The following MCUR1 variants were observed in gnomAD, a reference collection of about 807,000 sequenced individuals.
The protein encoded by MCUR1 is mitochondrial calcium uniporter regulator 1, also known as MCU regulator 1.
In MCUR1, 37 loss-of-function variants were observed where a neutral mutation model predicts 42.0. That is an observed-to-expected ratio of 0.88 (90% confidence interval 0.68 to 1.16). The LOEUF is 1.16. MCUR1 is among the 50% of genes most tolerant of loss of function. The pLI is 0.00. For missense variants in MCUR1, 469 were observed against 468.4 expected, an observed-to-expected ratio of 1.00 and a Z score of -0.01; for synonymous variants, 229 against 196.2, an observed-to-expected ratio of 1.17 and a Z score of -1.40.
intron 3 of MCUR1, among the ~76,000 whole-genome samples, chr6:13,801,686 C>T (rs1332746068): frequency 1.3e-5 from 2 of 152,120 alleles, no homozygotes; most frequent in Non-Finnish European, 2.9e-5. Context: ...CCCATCTCTA[C>T]CAAAAGTACA....
rs150691156 is a variant in MCUR1, at chr6:13,813,104, G to C, written c.415+911C>G. 8.8e-3 allele frequency among the ~76,000 whole-genome samples: 1,336 copies of C among 152,284 alleles called. 18 individuals carry two copies. Among genetic ancestry groups the C allele is most frequent in the South Asian group, 0.031 (148 of 4,824 alleles). On this transcript the variant is annotated intron_variant, in intron 1 of 8. Coordinates refer to ENST00000379170, the MANE Select transcript of MCUR1 (RefSeq NM_001031713.4). The stretch of plus-strand genomic sequence containing the variant: ...ATTCAGTACGGTAACATGCTGTTCA[G>C]GTTTGTAGCCTAGGAGCACTAGCCT...
At chr6:13,804,330 A>AC (rs1760065009) in intron 2 of MCUR1, 1 of 156,202 alleles carries the variant, frequency 6.4e-6, no homozygotes. Flanking sequence ...CTCAAAAAAA[A>AC]AAAAAAAAAA....
intron 5 of MCUR1, among the ~76,000 whole-genome samples, chr6:13,799,235 G>C (rs1759932281): frequency 6.6e-6 from 1 of 151,638 alleles, no homozygotes; most frequent in South Asian, 2.1e-4. Flanking sequence ...AACCAGGCTG[G>C]AGTGCAATGG....
Position 13,798,882 on chromosome 6 carries a change from G to T in MCUR1, c.806C>A (p.Thr269Lys). Residue 269 changes from threonine (T) to lysine (K), a missense_variant, in exon 6 of 9, where the codon ACA (threonine) becomes AAA (lysine). By Grantham distance (78) the Thr-to-Lys change is moderately conservative. Coordinates refer to ENST00000379170, the MANE Select transcript of MCUR1 (RefSeq NM_001031713.4). ...TAGGTTGAAGTCTAATTTGGTATCTGTTCGGACTTTGATCACTTCATCCTA... is the reference window on the plus strand; with the variant it reads ...TAGGTTGAAGTCTAATTTGGTATCTTTTCGGACTTTGATCACTTCATCCTA... ...QVMDEVIKVRTDTKLDFNLEK... is the reference protein window; with the variant it reads ...QVMDEVIKVRKDTKLDFNLEK... The T allele has an allele frequency of 6.2e-7, 1 of 1,609,688 alleles. No individual in the cohort carries two copies. The highest frequency in any genetic ancestry group is 2.2e-5 in the East Asian group (1 of 44,850).
chr6:13,796,489 T>C (rs1170743574), intron 6 of MCUR1, among the ~76,000 whole-genome samples: 3 of 152,174 alleles, frequency 2.0e-5, no homozygotes, highest in Admixed American at 6.5e-5. Flanking sequence ...TTTCACCACG[T>C]TGGCCAGGCT....
rs926831328 is a variant in MCUR1, at chr6:13,787,973, C to G, written c.*2836G>C. On this transcript the variant is annotated 3_prime_UTR_variant, in exon 9 of 9. Transcript: ENST00000379170. ...TCTCTGCTCACTGCAACCTCTGCCT[C>G]CCAGGTTCATGCAATTTTCCTGTCT... The G allele has an allele frequency of 1.3e-5, 2 of 152,332 alleles. No homozygotes were observed. Among genetic ancestry groups the G allele is most frequent in the Admixed American group, 6.5e-5 (1 of 15,290 alleles). The allele number at this position is 152,332 out of a possible 1,614,324, so 9.4% of individuals were successfully genotyped here.
intron 2 of MCUR1, 28 bp from the exon 3 acceptor site, chr6:13,802,374 C>G (rs1344848524): frequency 3.2e-6 from 5 of 1,582,154 alleles, no homozygotes; most frequent in Non-Finnish European, 4.3e-6. Context: ...CAAAAAAAAT[C>G]ATGCTCAGAG....
At chr6:13,811,985 CCT>C (rs1195641997) in intron 1 of MCUR1, among the ~76,000 whole-genome samples, 1 of 152,070 alleles carries the variant, frequency 6.6e-6, no homozygotes, top group Non-Finnish European at 1.5e-5. Context: ...CACTCCAACC[CCT>C]GATGAGGGAA....
Position 13,808,549 on chromosome 6 carries a change from G to A in MCUR1, c.416-1505C>T, listed in dbSNP as rs926863754. Among the ~76,000 whole-genome samples the A allele has an allele frequency of 2.6e-5, 4 of 151,960 alleles. 1 individual carries two copies. Among genetic ancestry groups the A allele is most frequent in the African/African-American group, 2.4e-5 (1 of 41,356 alleles). On this transcript the variant is annotated intron_variant, in intron 1 of 8. Coordinates refer to ENST00000379170, the MANE Select transcript of MCUR1 (RefSeq NM_001031713.4). The stretch of plus-strand genomic sequence containing the variant: ...TTTGTTGCCTGTGCTTTTTTCTTTT[G>A]TTGCTTGTGCTTTTGATAACATACC...
chr6:13,804,013 CAT>C, intron 2 of MCUR1: 4 of 974,344 alleles, frequency 4.1e-6, no homozygotes, highest in Non-Finnish European at 4.9e-6. Context: ...AAAAAGAGTT[CAT>C]GTTTAAACAT....
intron 2 of MCUR1, chr6:13,803,836 TAAG>T (rs1290480009): frequency 4.3e-5 from 42 of 985,268 alleles, no homozygotes; most frequent in Admixed American, 6.2e-5. Flanking sequence ...AAAGTTTTAT[TAAG>T]AAGAGTTCAC....
chr6:13,804,184 G>A (rs1199606586), intron 2 of MCUR1: 3 of 238,992 alleles, frequency 1.3e-5, no homozygotes, highest in South Asian at 4.0e-5. Flanking sequence ...TTATCCAGGT[G>A]TGGTGGTGCA....
Position 13,787,159 on chromosome 6 carries a change from A to C in MCUR1, c.*3650T>G, listed in dbSNP as rs904140701. ...ATTAACAGACAGGCTTGAAAGGAGA[A>C]GGCTAGAAGAGGGAAGATTATGTCA... On this transcript the variant is annotated 3_prime_UTR_variant, in exon 9 of 9. Transcript: ENST00000379170. 6.6e-5 allele frequency: 10 copies of C among 152,336 alleles called. No individual in the cohort carries two copies. Among genetic ancestry groups the C allele is most frequent in the Admixed American group, 3.9e-4 (6 of 15,286 alleles). The allele number at this position is 152,336 out of a possible 1,614,324, so 9.4% of individuals were successfully genotyped here.
At chr6:13,812,357 T>C (rs1760256204) in intron 1 of MCUR1, among the ~76,000 whole-genome samples, 1 of 152,162 alleles carries the variant, frequency 6.6e-6, no homozygotes, top group Admixed American at 6.5e-5. Flanking sequence ...CTCTTCTGTT[T>C]TTATGCATCC....
At chr6:13,800,238 TCA>T in intron 5 of MCUR1, 101 bp downstream of exon 5, 1 of 779,870 alleles carries the variant, frequency 1.3e-6, no homozygotes, top group Non-Finnish European at 2.0e-6. Context: ...CACAAACATT[TCA>T]CAAAGAATTA....
chr6:13,807,231 C>G (rs1224001802), intron 1 of MCUR1, among the ~76,000 whole-genome samples, 187 bp from the exon 2 acceptor site: 1 of 152,174 alleles, frequency 6.6e-6, no homozygotes, highest in African/African-American at 2.4e-5. Context: ...GTGCTACCAT[C>G]CCACAATCAA....
At chr6:13,807,128 C>T in intron 1 of MCUR1, 84 bp from the exon 2 acceptor site, 1 of 1,428,530 alleles carries the variant, frequency 7.0e-7, no homozygotes, top group Admixed American at 2.3e-5. Context: ...AAGGCATACC[C>T]CAAAGCCTTC....
intron 2 of MCUR1, chr6:13,803,775 C>T (rs927715033): frequency 1.3e-5 from 13 of 985,150 alleles, no homozygotes; most frequent in East Asian, 1.1e-4. Context: ...TCTTTTTTCT[C>T]GTCTGTCTTC....
intron 1 of MCUR1, among the ~76,000 whole-genome samples, chr6:13,809,140 C>T (rs1479471520): frequency 2.0e-5 from 3 of 152,152 alleles, no homozygotes; most frequent in Non-Finnish European, 4.4e-5. Context: ...TCAATTTCTA[C>T]AAGAAAACCA....
Sources: gnomAD v4.1 joint callset for allele counts (sites outside exome capture counted in the v4.1 genomes callset) on GRCh38, gnomAD v4.1.1 for gene constraint, MANE v1.5 for transcripts, NCBI Gene and HGNC (gene_info 2026-07-23, HGNC 2026-07-21) for gene names.